Variants in LMNTD1 observed in about 807,000 individuals in gnomAD.
The protein encoded by LMNTD1 is lamin tail domain containing 1, also known as lamin tail domain-containing protein 1.
LMNTD1 carries 35 observed loss-of-function variants against 50.9 expected under a neutral mutation model. The observed-to-expected ratio is 0.69, with a 90% CI of 0.53 to 0.91. The LOEUF (loss-of-function observed/expected upper bound fraction) is 0.91, where lower values mean the gene tolerates loss of function less well. LMNTD1 is among the 40% of genes least tolerant of loss of function. The probability of loss-of-function intolerance (pLI) is 0.00; values close to 1 mark genes in which losing one functional copy is unlikely to be tolerated. For synonymous variants in LMNTD1, 153 were observed against 161.9 expected, an observed-to-expected ratio of 0.94 and a Z score of 0.42; for missense variants, 470 against 475.5, an observed-to-expected ratio of 0.99 and a Z score of 0.11.
chr12:25,582,411 T>G (rs561193176), intron 1 of LMNTD1: 1 of 152,316 alleles, frequency 6.6e-6, no homozygotes, highest in South Asian at 2.1e-4. Flanking sequence ...GCATACAAAT[T>G]TATAACTCAC....
At chr12:25,559,447 G>C (rs1592013537) in intron 1 of LMNTD1, among the ~76,000 whole-genome samples, 1 of 152,164 alleles carries the variant, frequency 6.6e-6, no homozygotes, top group East Asian at 1.9e-4. Flanking sequence ...GTCTATCATT[G>C]ATGGACATTT....
intron 1 of LMNTD1, among the ~76,000 whole-genome samples, chr12:25,633,000 A>G (rs561740709): frequency 6.6e-6 from 1 of 151,250 alleles, no homozygotes; most frequent in African/African-American, 2.4e-5. Context: ...AATAGACACC[A>G]AAAGTGAGCA....
intron 1 of LMNTD1, among the ~76,000 whole-genome samples, chr12:25,590,679 G>C (rs1332424408): frequency 2.0e-5 from 3 of 152,172 alleles, no homozygotes; most frequent in Non-Finnish European, 2.9e-5. Flanking sequence ...GAAGAGTATG[G>C]AGGACTTTGT....
chr12:25,618,514 G>A (rs1946395438), intron 1 of LMNTD1, among the ~76,000 whole-genome samples: 1 of 152,108 alleles, frequency 6.6e-6, no homozygotes, highest in Admixed American at 6.5e-5. Context: ...TCTTTAGGTT[G>A]GAGCAACATG....
chr12:25,575,578 C>A (rs191200457), intron 1 of LMNTD1, among the ~76,000 whole-genome samples: 1 of 152,220 alleles, frequency 6.6e-6, no homozygotes, highest in Non-Finnish European at 1.5e-5. Context: ...CTGCAAATAG[C>A]TCAATGGGGA....
In LMNTD1 at chr12:25,608,672, G is replaced by C. The variant is rs374760866; in HGVS notation, c.58+39822C>G. ...GTTGAATATTGGCCCCCACTCTCTT[G>C]TGGCTTGTAGGGGTTCTGCTGAGAG... On this transcript the variant is annotated intron_variant, in intron 1 of 7. Coordinates refer to the LMNTD1 transcript ENST00000445693. 8.1e-3 allele frequency among the ~76,000 whole-genome samples: 1,237 copies of C among 152,318 alleles called. 8 individuals are homozygous for C. The highest frequency in any genetic ancestry group is 0.014 in the Non-Finnish European group (971 of 68,024).
chr12:25,568,972 C>T (rs2169989), intron 1 of LMNTD1, among the ~76,000 whole-genome samples: 105,343 of 152,172 alleles, frequency 0.69, 40,248 homozygotes, highest in Non-Finnish European at 0.87. Context: ...AATATGAAGT[C>T]GGAGCCCTGA....
rs1408272215 is a variant in LMNTD1 at position 25,599,824 on chromosome 12, C to T, written c.58+48670G>A. Among the ~76,000 whole-genome samples the T allele has an allele frequency of 2.0e-5, 3 of 151,910 alleles. No homozygotes were observed. In the East Asian group the frequency reaches 5.8e-4, roughly 29 times the overall value. On this transcript the variant is annotated intron_variant, in intron 1 of 7. Transcript: ENST00000445693. ...GGACACCAAAAAGTGAAAACATATT[C>T]CATGTTCATGGATTGGGAGAATAAA...
intron 8 of LMNTD1, among the ~76,000 whole-genome samples, chr12:25,515,129 C>T (rs1162134851): frequency 6.6e-6 from 1 of 151,824 alleles, no homozygotes; most frequent in Non-Finnish European, 1.5e-5. Context: ...TAGACTTGCA[C>T]AAGGATAATC....
At chr12:25,542,285 G>A (rs368787397) in intron 4 of LMNTD1, among the ~76,000 whole-genome samples, 4 of 151,762 alleles carry the variant, frequency 2.6e-5, no homozygotes, top group East Asian at 1.9e-4. Flanking sequence ...TGTTTATTGC[G>A]GCATTATTCA....
chr12:25,544,367 C>CTGAA (rs3077283), intron 4 of LMNTD1, among the ~76,000 whole-genome samples: 1 of 150,890 alleles, frequency 6.6e-6, no homozygotes, highest in Non-Finnish European at 1.5e-5. Flanking sequence ...TCTATTTTAT[C>CTGAA]TAAGTATAGC....
At chr12:25,609,395 GA>G (rs1946192734) in intron 1 of LMNTD1, among the ~76,000 whole-genome samples, 1 of 152,206 alleles carries the variant, frequency 6.6e-6, no homozygotes, top group Non-Finnish European at 1.5e-5. Flanking sequence ...CTTTAGAGAA[GA>G]GGTGCTCTGG....
At chr12:25,622,018 G>A (rs1946482237) in intron 1 of LMNTD1, among the ~76,000 whole-genome samples, 1 of 152,202 alleles carries the variant, frequency 6.6e-6, no homozygotes, top group African/African-American at 2.4e-5. Flanking sequence ...TAGCAATGGG[G>A]ATAATGAGAA....
chr12:25,542,338 T>C (rs578172045), intron 4 of LMNTD1, among the ~76,000 whole-genome samples: 20 of 150,520 alleles, frequency 1.3e-4, no homozygotes, highest in African/African-American at 3.9e-4. Context: ...CCAACAATGA[T>C]AGACTGGATT....
chr12:25,603,229 C>T (rs191472300), intron 1 of LMNTD1, among the ~76,000 whole-genome samples: 1 of 152,114 alleles, frequency 6.6e-6, no homozygotes, highest in East Asian at 1.9e-4. Context: ...ATTCAAAATT[C>T]TATCAGGAAC....
chr12:25,551,554 A>T (rs886174011), intron 2 of LMNTD1, among the ~76,000 whole-genome samples: 1 of 152,012 alleles, frequency 6.6e-6, no homozygotes, highest in Non-Finnish European at 1.5e-5. Flanking sequence ...TATGCCTGCT[A>T]ATTTTGAAAA....
chr12:25,491,076 GC>G lies in LMNTD1; in HGVS notation c.*22+12661del, dbSNP rs1334328395. 1.9e-3 allele frequency among the ~76,000 whole-genome samples: 285 copies of G among 152,372 alleles called. 2 individuals are homozygous for G. The highest frequency in any genetic ancestry group is 3.7e-4 in the Non-Finnish European group (25 of 68,044). On this transcript the variant is annotated intron_variant, in intron 9 of 9. Coordinates refer to ENST00000458174, the MANE Select transcript of LMNTD1 (RefSeq NM_001145728.2). ...GCTCTAGCTGGCTACTGGTGTTGGG[GC>G]CCAGTGCCGCCTGAGGATGAAATGA...
chr12:25,590,623 G>A (rs1257173285), intron 1 of LMNTD1, among the ~76,000 whole-genome samples: 1 of 152,212 alleles, frequency 6.6e-6, no homozygotes. Flanking sequence ...TGCATAGCTT[G>A]TGGCTTAAAA....
chr12:25,601,325 T>C (rs1482906569), intron 1 of LMNTD1, among the ~76,000 whole-genome samples: 2 of 151,652 alleles, frequency 1.3e-5, no homozygotes, highest in South Asian at 4.2e-4. Context: ...TGGTGGAGGT[T>C]GGGAGAGGTA....
Sources: allele counts gnomAD v4.1 joint callset (sites outside exome capture counted in the v4.1 genomes callset), GRCh38; gene constraint gnomAD v4.1.1; transcripts MANE v1.5; gene names NCBI Gene and HGNC (gene_info 2026-07-23, HGNC 2026-07-21).